The following ADAM10 variants were observed in gnomAD, a reference collection of about 807,000 sequenced individuals.
ADAM10 encodes the protein ADAM metallopeptidase domain 10, also known as disintegrin and metalloproteinase domain-containing protein 10.
Under a neutral mutation model 90.1 loss-of-function variants are expected in ADAM10, and 17 were observed. The observed-to-expected ratio is 0.19, with a 90% confidence interval of 0.13 to 0.28. ADAM10 has a LOEUF of 0.28. ADAM10 is among the 10% of genes least tolerant of loss of function. ADAM10 has a pLI of 1.00. For missense variants in ADAM10, 610 were observed against 914.3 expected, an observed-to-expected ratio of 0.67 and a Z score of 4.29; for synonymous variants, 310 against 298.6, an observed-to-expected ratio of 1.04 and a Z score of -0.40.
Position 58,590,366 on chromosome 15 carries a change from C to A in ADAM10, c.*7181G>T, listed in dbSNP as rs1312083794. The A allele has an allele frequency of 2.0e-5, 3 of 152,212 alleles. No homozygotes were observed. Among genetic ancestry groups the A allele is most frequent in the Non-Finnish European group, 4.4e-5 (3 of 68,050 alleles). 9.4% of individuals were successfully genotyped at this position (152,212 alleles called of 1,614,324 possible). On this transcript the variant is annotated 3_prime_UTR_variant, in exon 16 of 16. Transcript: ENST00000260408. ...TACAAGACCATACGCTTCACCAGGG[C>A]AGGGAAACTGTTAAGTTCACTACTG... is the stretch of plus-strand genomic sequence containing the variant.
chr15:58,739,623 T>C (rs1398594253), intron 1 of ADAM10, among the ~76,000 whole-genome samples: 5 of 152,252 alleles, frequency 3.3e-5, no homozygotes, highest in African/African-American at 1.2e-4. Context: ...TTTATAAGCA[T>C]CAGTGCCAAT....
chr15:58,653,497 C>T (rs745813681), intron 5 of ADAM10, among the ~76,000 whole-genome samples: 1 of 152,158 alleles, frequency 6.6e-6, no homozygotes, highest in African/African-American at 2.4e-5. Context: ...GTCCTTCATT[C>T]CATTATGATG....
At chr15:58,724,029 A>C (rs1026601072) in intron 1 of ADAM10, among the ~76,000 whole-genome samples, 6 of 151,682 alleles carry the variant, frequency 4.0e-5, no homozygotes, top group African/African-American at 1.5e-4. Flanking sequence ...TCAGGAGTTC[A>C]AGACCAGCCT....
intron 15 of ADAM10, among the ~76,000 whole-genome samples, chr15:58,598,052 C>T (rs1895003967): frequency 6.6e-6 from 1 of 152,152 alleles, no homozygotes. Flanking sequence ...AGATTCTGGA[C>T]AGAATCCATA....
At chr15:58,638,335 AG>A (rs1281334968) in intron 8 of ADAM10, among the ~76,000 whole-genome samples, 1 of 152,192 alleles carries the variant, frequency 6.6e-6, no homozygotes, top group African/African-American at 2.4e-5. Context: ...TGAAGTACAC[AG>A]GAAGTATCTT....
At chr15:58,666,919 T>C in intron 4 of ADAM10, among the ~76,000 whole-genome samples, 1 of 152,180 alleles carries the variant, frequency 6.6e-6, no homozygotes. Context: ...CATGCAATTT[T>C]TCCCATATAC....
chr15:58,687,532 G>C (rs1173975933), intron 2 of ADAM10, among the ~76,000 whole-genome samples: 1 of 151,076 alleles, frequency 6.6e-6, no homozygotes, highest in East Asian at 2.0e-4. Flanking sequence ...ATTTGTGTTT[G>C]TAACAGTCTT....
intron 2 of ADAM10, among the ~76,000 whole-genome samples, chr15:58,706,950 AG>A (rs1898311135): frequency 6.7e-6 from 1 of 148,536 alleles, no homozygotes; most frequent in Admixed American, 6.8e-5. Context: ...CAGAGGTTGC[AG>A]TGAGCTGAGA....
chr15:58,713,462 G>A (rs73426546), intron 2 of ADAM10, among the ~76,000 whole-genome samples: 1,550 of 152,254 alleles, frequency 0.01, 31 homozygotes, highest in African/African-American at 0.036. Flanking sequence ...AGATGAGTAA[G>A]ATTCACACTC....
In ADAM10 at chr15:58,611,791, T is replaced by C. The variant is rs1386925450; in HGVS notation, c.1695+17A>G. The C allele has an allele frequency of 1.2e-6, 2 of 1,611,742 alleles. No individual in the cohort carries two copies. The highest frequency in any genetic ancestry group is 1.7e-5 in the Admixed American group (1 of 59,834). ...TTTTCTAAAATTAAATTTTAAAACA[T>C]ATAGTTAAATGCTTACCCCATTAAT... On this transcript the variant is annotated intron_variant, in intron 12 of 15. Coordinates refer to ENST00000260408, the MANE Select transcript of ADAM10 (RefSeq NM_001110.4).
At chr15:58,655,867 C>T (rs1238109979) in intron 5 of ADAM10, among the ~76,000 whole-genome samples, 5 of 149,012 alleles carry the variant, frequency 3.4e-5, no homozygotes, top group Non-Finnish European at 7.4e-5. Context: ...CTGCCTCAGC[C>T]TCCTGAGTAG....
At chr15:58,635,870 T>C (rs1347516990) in intron 8 of ADAM10, among the ~76,000 whole-genome samples, 1 of 152,210 alleles carries the variant, frequency 6.6e-6, no homozygotes, top group Non-Finnish European at 1.5e-5. Flanking sequence ...GTCTGGCTAA[T>C]TTAAGAGAAG....
At chr15:58,698,997 G>C (rs1898056502) in intron 2 of ADAM10, among the ~76,000 whole-genome samples, 1 of 152,162 alleles carries the variant, frequency 6.6e-6, no homozygotes, top group Non-Finnish European at 1.5e-5. Context: ...GCACATTATA[G>C]TCAAACTGTG....
At chr15:58,650,103 T>C (rs779453619) in intron 5 of ADAM10, among the ~76,000 whole-genome samples, 3 of 152,232 alleles carry the variant, frequency 2.0e-5, no homozygotes, top group Non-Finnish European at 4.4e-5. Context: ...TTCAATTTTC[T>C]GCTAAAATTT....
intron 7 of ADAM10, 66 bp downstream of exon 7, chr15:58,643,820 T>C (rs1896477261): frequency 8.5e-7 from 1 of 1,174,338 alleles, no homozygotes; most frequent in South Asian, 1.2e-5. Flanking sequence ...AGCTTTTGTG[T>C]GTGTGTGTAA....
intron 1 of ADAM10, among the ~76,000 whole-genome samples, chr15:58,735,400 G>T (rs1567018540): frequency 1.3e-5 from 2 of 152,080 alleles, no homozygotes; most frequent in Non-Finnish European, 2.9e-5. Context: ...TCCTGATAAA[G>T]AATAAAATAA....
chr15:58,686,097 C>G (rs1279326628), intron 2 of ADAM10, among the ~76,000 whole-genome samples: 1 of 152,156 alleles, frequency 6.6e-6, no homozygotes, highest in African/African-American at 2.4e-5. Context: ...CTCCAGAAAT[C>G]TGCACAGGCG....
In ADAM10 at chr15:58,593,142, T is replaced by A. The variant is rs1042306367; in HGVS notation, c.*4405A>T. 1.9e-4 allele frequency: 25 copies of A among 128,378 alleles called. No individual in the cohort carries two copies. Among genetic ancestry groups the A allele is most frequent in the Non-Finnish European group, 3.9e-4 (24 of 61,586 alleles). 8.0% of individuals were successfully genotyped at this position (128,378 alleles called of 1,614,324 possible). A position where few individuals can be genotyped will look rare whatever the true frequency, so the allele number is the denominator to read the frequency against. ...TAGAAAAAAAGTAACAAAGGCCAGG[T>A]ACTCAAATTTTTTTTTTTTTTTTTT... On this transcript the variant is annotated 3_prime_UTR_variant, in exon 16 of 16. Coordinates refer to ENST00000260408, the MANE Select transcript of ADAM10 (RefSeq NM_001110.4).
chr15:58,622,376 C>T (rs1269307385), intron 10 of ADAM10, among the ~76,000 whole-genome samples: 4 of 152,188 alleles, frequency 2.6e-5, no homozygotes, highest in Non-Finnish European at 5.9e-5. Flanking sequence ...GTTCCCCTAA[C>T]CCCAACTCCT....
Sources: allele counts gnomAD v4.1 joint callset (sites outside exome capture counted in the v4.1 genomes callset), GRCh38; gene constraint gnomAD v4.1.1; transcripts MANE v1.5; gene names NCBI Gene and HGNC (gene_info 2026-07-23, HGNC 2026-07-21).